The following ZBTB38 variants were observed in gnomAD, a reference collection of about 807,000 sequenced individuals.
The protein encoded by ZBTB38 is zinc finger and BTB domain-containing protein 38.
A neutral mutation model predicts 76.8 loss-of-function variants in ZBTB38; 20 were observed. That is an observed-to-expected ratio of 0.26 (90% CI 0.18 to 0.38). The LOEUF is 0.38. ZBTB38 is among the 10% of genes least tolerant of loss of function. ZBTB38 has a pLI of 1.00. For synonymous variants in ZBTB38, 504 were observed against 544.2 expected (o/e 0.93, Z 1.03); for missense variants, 1,082 against 1,482.3 (o/e 0.73, Z 4.43).
chr3:141,425,065 T>C (rs2076137771), intron 5 of ZBTB38, among the ~76,000 whole-genome samples: 1 of 152,190 alleles, frequency 6.6e-6, no homozygotes, highest in South Asian at 2.1e-4. Context: ...GTTTTTAAAA[T>C]TTGCACAAGG....
At chr3:141,372,776 T>G (rs1221300131) in intron 2 of ZBTB38, among the ~76,000 whole-genome samples, 1 of 152,180 alleles carries the variant, frequency 6.6e-6, no homozygotes, top group Non-Finnish European at 1.5e-5. Context: ...GGATGATGTG[T>G]TGCTGGAAGT....
intron 5 of ZBTB38, among the ~76,000 whole-genome samples, chr3:141,439,855 A>G (rs1183884644): frequency 6.6e-6 from 1 of 152,230 alleles, no homozygotes; most frequent in Non-Finnish European, 1.5e-5. Flanking sequence ...GCCAAACATG[A>G]TAAAAATATA....
intron 1 of ZBTB38, among the ~76,000 whole-genome samples, chr3:141,339,436 G>C (rs976257137): frequency 6.6e-6 from 1 of 152,116 alleles, no homozygotes; most frequent in Non-Finnish European, 1.5e-5. Flanking sequence ...TTGGTAGGTG[G>C]GGAAGAGTAG....
At chr3:141,384,742 G>C (rs1946691427) in intron 3 of ZBTB38, 1 of 152,302 alleles carries the variant, frequency 6.6e-6, no homozygotes, top group Non-Finnish European at 1.5e-5. Context: ...GCAATGATGT[G>C]GGGGTGGGGA....
chr3:141,350,204 T>A (rs774819967), intron 1 of ZBTB38, among the ~76,000 whole-genome samples: 2 of 152,192 alleles, frequency 1.3e-5, no homozygotes, highest in African/African-American at 4.8e-5. Flanking sequence ...TAAGAAAAGA[T>A]CCTCTATGAC....
chr3:141,347,778 A>G (rs899685221), intron 1 of ZBTB38, among the ~76,000 whole-genome samples: 1 of 152,198 alleles, frequency 6.6e-6, no homozygotes, highest in African/African-American at 2.4e-5. Context: ...GGCTGTTCTC[A>G]GTGACCCTAG....
chr3:141,390,915 G>A (rs1168917467), intron 4 of ZBTB38, among the ~76,000 whole-genome samples: 2 of 152,212 alleles, frequency 1.3e-5, no homozygotes, highest in Admixed American at 6.5e-5. Context: ...AACACTTTGG[G>A]AAGCCAAGAC....
chr3:141,443,582 C>T lies in ZBTB38; in HGVS notation c.1194C>T (p.His398=). The T allele has an allele frequency of 9.3e-6, 15 of 1,614,254 alleles. No homozygotes were observed. Among genetic ancestry groups the T allele is most frequent in the Non-Finnish European group, 1.2e-5 (14 of 1,180,048 alleles). Residue 398 remains histidine (H), a synonymous_variant, in exon 6 of 6, where the codon CAC becomes CAT. Transcript: ENST00000321464. This position sits in a 1 kb window ranked among gnomAD's most constrained non-coding sequence, Gnocchi z 5.6. The part of the protein sequence containing the change: ...RHEQICMRSS[H]MPIPGGNQRF... Reference sequence around the variant, plus strand: ...AACAGATCTGCATGAGGTCAAGCCACATGCCCATTCCTGGAGGAAACCAAC... The same window carrying T: ...AACAGATCTGCATGAGGTCAAGCCATATGCCCATTCCTGGAGGAAACCAAC...
intron 1 of ZBTB38, among the ~76,000 whole-genome samples, chr3:141,350,539 G>A (rs1465730696): frequency 6.6e-6 from 1 of 151,744 alleles, no homozygotes; most frequent in Non-Finnish European, 1.5e-5. Context: ...TTGCTCTCTG[G>A]GTCTTCACTG....
intron 1 of ZBTB38, among the ~76,000 whole-genome samples, 191 bp downstream of exon 1, chr3:141,368,995 CA>C (rs887674425): frequency 0.021 from 1,809 of 84,542 alleles, 38 homozygotes; most frequent in African/African-American, 0.078. Flanking sequence ...GAAAAGAATG[CA>C]AAAAAAAAAA....
At chr3:141,344,107 T>C (rs1177293796) in intron 1 of ZBTB38, among the ~76,000 whole-genome samples, 2 of 152,172 alleles carry the variant, frequency 1.3e-5, no homozygotes. Context: ...GTGGTCCACT[T>C]TGGCTATGTT....
intron 1 of ZBTB38, among the ~76,000 whole-genome samples, chr3:141,361,125 C>T (rs1943813199): frequency 6.6e-6 from 1 of 152,192 alleles, no homozygotes; most frequent in Admixed American, 6.5e-5. Flanking sequence ...TTCTGACCGC[C>T]CCAGCCTTAA....
intron 1 of ZBTB38, among the ~76,000 whole-genome samples, chr3:141,336,471 T>C (rs1943018883): frequency 6.6e-6 from 1 of 152,194 alleles, no homozygotes; most frequent in Non-Finnish European, 1.5e-5. Flanking sequence ...CTTACATGTA[T>C]GTAATAGATT....
At chr3:141,426,617 G>A (rs910910852) in intron 5 of ZBTB38, among the ~76,000 whole-genome samples, 1 of 152,108 alleles carries the variant, frequency 6.6e-6, no homozygotes, top group African/African-American at 2.4e-5. Flanking sequence ...GATGTCACGT[G>A]GAAGCTAAGT....
At chr3:141,432,349 G>A (rs370285845) in intron 5 of ZBTB38, 22 of 904,392 alleles carry the variant, frequency 2.4e-5, no homozygotes, top group Admixed American at 6.2e-5. Flanking sequence ...TTGCTCTGTC[G>A]ATTCTGTTGT....
chr3:141,334,440 C>CTTTCCTTT (rs1942952412), intron 1 of ZBTB38, among the ~76,000 whole-genome samples: 1 of 126,496 alleles, frequency 7.9e-6, no homozygotes, highest in Non-Finnish European at 1.7e-5. Context: ...TTCCTTCCTT[C>CTTTCCTTT]CTTCTTTCCT....
intron 1 of ZBTB38, among the ~76,000 whole-genome samples, chr3:141,352,634 T>C (rs1943550472): frequency 6.6e-6 from 1 of 152,028 alleles, no homozygotes; most frequent in Non-Finnish European, 1.5e-5. Flanking sequence ...TAAAGCAAAA[T>C]GAATTATAGG....
chr3:141,399,345 A>T (rs1951160878), intron 4 of ZBTB38, among the ~76,000 whole-genome samples: 1 of 152,158 alleles, frequency 6.6e-6, no homozygotes, highest in African/African-American at 2.4e-5. Flanking sequence ...AAGCAGTTTC[A>T]CACATTTATC....
chr3:141,376,640 CTTG>C (rs1302570922), intron 2 of ZBTB38, among the ~76,000 whole-genome samples: 3 of 152,220 alleles, frequency 2.0e-5, no homozygotes, highest in African/African-American at 7.2e-5. Context: ...AACCCATCAC[CTTG>C]TTGTCCTGCA....
Sources: gnomAD v4.1 joint callset for allele counts (sites outside exome capture counted in the v4.1 genomes callset) on GRCh38, gnomAD v4.1.1 for gene constraint, Gnocchi (gnomAD v3.1) non-coding constraint, MANE v1.5 for transcripts, NCBI Gene and HGNC (gene_info 2026-07-23, HGNC 2026-07-21) for gene names.